The following NEURL1B variants were observed in gnomAD, a reference collection of about 807,000 sequenced individuals.
NEURL1B encodes neuralized E3 ubiquitin protein ligase 1B.
A neutral mutation model predicts 37.4 loss-of-function variants in NEURL1B; 13 were observed. That is an observed-to-expected ratio of 0.35 (90% CI 0.23 to 0.55). NEURL1B has a LOEUF of 0.55. NEURL1B is among the 20% of genes least tolerant of loss of function. NEURL1B has a pLI of 0.89. For synonymous variants in NEURL1B, 432 were observed against 426.6 expected (o/e 1.01, Z -0.16); for missense variants, 790 against 879.2 (o/e 0.90, Z 1.28).
At chr5:172,663,681 G>A (rs1352612532) in intron 1 of NEURL1B, among the ~76,000 whole-genome samples, 1 of 151,748 alleles carries the variant, frequency 6.6e-6, no homozygotes, top group Non-Finnish European at 1.5e-5. Flanking sequence ...CTCAATTCTT[G>A]GTCAGAAGTG....
intron 1 of NEURL1B, among the ~76,000 whole-genome samples, chr5:172,660,219 G>C (rs553310453): frequency 6.6e-6 from 1 of 152,326 alleles, no homozygotes; most frequent in African/African-American, 2.4e-5. Flanking sequence ...TTATCAAGAA[G>C]AGACCACAGT....
chr5:172,657,433 AG>A lies in NEURL1B; in HGVS notation c.32-12351del, dbSNP rs1167648719. On this transcript the variant is annotated intron_variant, in intron 1 of 4. Transcript: ENST00000369800. The surrounding 1 kb of genome is among the most constrained non-coding windows in gnomAD (Gnocchi z 4.0). ...AATAGTCATAATACAAATTAGATATAGAGATGATCATGGACAATTATCAATC... is the reference window on the plus strand; with the variant it reads ...AATAGTCATAATACAAATTAGATATAAGATGATCATGGACAATTATCAATC... Among the ~76,000 whole-genome samples, 1 of 152,254 alleles carries A rather than the reference AG, an allele frequency of 6.6e-6. No homozygotes were observed. Among genetic ancestry groups the A allele is most frequent in the Non-Finnish European group, 1.5e-5 (1 of 68,042 alleles).
rs954300412 is a variant in NEURL1B, at chr5:172,657,054, C to T, written c.32-12731C>T. ...ATAGACTATTTGAGTCAGTCCCTCA[C>T]GTCCCCATGATGGATGACTGGTTGG... is the stretch of plus-strand genomic sequence containing the variant. On this transcript the variant is annotated intron_variant, in intron 1 of 4. Transcript: ENST00000369800. This position sits in a 1 kb window ranked among gnomAD's most constrained non-coding sequence, Gnocchi z 4.0. Among the ~76,000 whole-genome samples the T allele has an allele frequency of 1.3e-5, 2 of 152,224 alleles. No homozygotes were observed. The highest frequency in any genetic ancestry group is 2.4e-5 in the African/African-American group (1 of 41,450).
intron 3 of NEURL1B, among the ~76,000 whole-genome samples, 156 bp downstream of exon 3, chr5:172,684,294 C>A (rs1229200507): frequency 6.6e-6 from 1 of 152,040 alleles, no homozygotes; most frequent in Non-Finnish European, 1.5e-5. Context: ...CGGGCACGAT[C>A]CACCCCGTCC....
Position 172,670,337 on chromosome 5 carries a change from C to A in NEURL1B, c.577+7C>A, listed in dbSNP as rs113056284. 64 of 1,347,058 alleles carry A rather than the reference C, an allele frequency of 4.8e-5. No individual in the cohort carries two copies. Among genetic ancestry groups the A allele is most frequent in the Non-Finnish European group, 5.8e-5 (61 of 1,052,610 alleles). 83.4% of individuals were successfully genotyped at this position (1,347,058 alleles called of 1,614,324 possible). ...GACGAGGTGCAGCTTCTGGGTAGGT[C>A]GCGGGCGCGGCGCCCCCTGGGGACC... On this transcript the variant is annotated splice_region_variant and intron_variant, in intron 2 of 4. Transcript: ENST00000369800.
At chr5:172,669,256 C>T (rs144414923) in intron 1 of NEURL1B, among the ~76,000 whole-genome samples, 11 of 152,256 alleles carry the variant, frequency 7.2e-5, no homozygotes, top group South Asian at 4.1e-4. Flanking sequence ...ATTCAGGCTG[C>T]CTTGGCCGTT....
At chr5:172,673,948 G>A (rs1758180309) in intron 2 of NEURL1B, among the ~76,000 whole-genome samples, 1 of 151,984 alleles carries the variant, frequency 6.6e-6, no homozygotes, top group Non-Finnish European at 1.5e-5. Flanking sequence ...AGACCAGCCT[G>A]GCCAACATGG....
At chr5:172,666,532 A>G (rs1451395838) in intron 1 of NEURL1B, among the ~76,000 whole-genome samples, 3 of 152,212 alleles carry the variant, frequency 2.0e-5, no homozygotes. Flanking sequence ...AAAAATCTGC[A>G]GTCATCTGAT....
intron 1 of NEURL1B, among the ~76,000 whole-genome samples, chr5:172,660,491 C>G (rs913026268): frequency 6.6e-6 from 1 of 152,246 alleles, no homozygotes; most frequent in Non-Finnish European, 1.5e-5. Flanking sequence ...GTGGCAGTTA[C>G]CAGCGCGGGC....
At chr5:172,680,834 GA>G (rs1758336981) in intron 2 of NEURL1B, among the ~76,000 whole-genome samples, 1 of 152,104 alleles carries the variant, frequency 6.6e-6, no homozygotes, top group African/African-American at 2.4e-5. Context: ...AATATTAATT[GA>G]AAACTCAATT....
rs140106730 is a variant in NEURL1B, at chr5:172,664,498, G to T, written c.32-5287G>T. ...GGGAGAGGCAGCGGGTGGGGGGGAC[G>T]GGTAGATTTTTCTCCTCTTTTCTGA... On this transcript the variant is annotated intron_variant, in intron 1 of 4. Coordinates refer to ENST00000369800, the MANE Select transcript of NEURL1B (RefSeq NM_001142651.3). Among the ~76,000 whole-genome samples the T allele has an allele frequency of 1.2e-3, 189 of 152,120 alleles. 3 individuals are homozygous for T. Among genetic ancestry groups the T allele is most frequent in the Admixed American group, 9.0e-3 (138 of 15,284 alleles).
At position 172,669,961 on chromosome 5, in the gene NEURL1B, A is replaced by G. The variant is rs1758089088; in HGVS notation, c.208A>G (p.Thr70Ala). ...TRRNSFCNGV[T>A]FTQRPIRLYE... ...GCGCAACAGCTTCTGCAATGGCGTC[A>G]CGTTCACGCAGCGGCCCATCCGGCT... The change falls in exon 2 of 5, where the codon ACG (threonine) becomes GCG (alanine). Residue 70 changes from threonine (T) to alanine (A), a missense_variant. By Grantham distance (58) the Thr-to-Ala change is moderately conservative (BLOSUM62 0). Around this residue, in one of 3 missense-constraint regions of NEURL1B, gnomAD observed 215 missense variants for 309.2 expected, o/e 0.70. Transcript: ENST00000369800. 3 of 1,452,970 alleles carry G rather than the reference A, an allele frequency of 2.1e-6. No individual in the cohort carries two copies. Among genetic ancestry groups the G allele is most frequent in the Non-Finnish European group, 2.7e-6 (3 of 1,108,624 alleles). 90.0% of individuals were successfully genotyped at this position (1,452,970 alleles called of 1,614,324 possible).
intron 1 of NEURL1B, among the ~76,000 whole-genome samples, chr5:172,660,087 C>T (rs1265561694): frequency 6.6e-6 from 1 of 152,192 alleles, no homozygotes; most frequent in African/African-American, 2.4e-5. Context: ...CTGTAAATGT[C>T]AGATGAAGGA....
chr5:172,643,127 C>G (rs1757498766), intron 1 of NEURL1B, among the ~76,000 whole-genome samples: 1 of 152,206 alleles, frequency 6.6e-6, no homozygotes, highest in Non-Finnish European at 1.5e-5. Flanking sequence ...TCTCTGTGGA[C>G]TGGGCCACCC....
intron 1 of NEURL1B, among the ~76,000 whole-genome samples, chr5:172,662,494 C>T (rs1757920928): frequency 6.6e-6 from 1 of 152,320 alleles, no homozygotes. Context: ...GTTTATTTAA[C>T]ATCTACTATG....
At chr5:172,662,705 C>T (rs914361130) in intron 1 of NEURL1B, among the ~76,000 whole-genome samples, 2 of 152,160 alleles carry the variant, frequency 1.3e-5, no homozygotes, top group Admixed American at 1.3e-4. Flanking sequence ...CTCAGAGCCA[C>T]CCAGGAAGCA....
intron 1 of NEURL1B, among the ~76,000 whole-genome samples, chr5:172,653,861 C>T (rs1757714767): frequency 2.6e-5 from 4 of 152,002 alleles, no homozygotes; most frequent in South Asian, 4.1e-4. Context: ...TTTTCTTTCA[C>T]GACTTTCAGA....
rs1757466059 is a variant in NEURL1B, at chr5:172,641,772, A to G, written c.31+335A>G. On this transcript the variant is annotated intron_variant, in intron 1 of 4. Coordinates refer to ENST00000369800, the MANE Select transcript of NEURL1B (RefSeq NM_001142651.3). This position sits in a 1 kb window ranked among gnomAD's most constrained non-coding sequence, Gnocchi z 6.4. ...GGCGCTGATGAGCAAACTCAAGGCG[A>G]CCTGGGTGGGGGTGACTGGAGCCGG... Among the ~76,000 whole-genome samples the G allele has an allele frequency of 6.6e-6, 1 of 152,094 alleles. No homozygotes were observed. Among genetic ancestry groups the G allele is most frequent in the Non-Finnish European group, 1.5e-5 (1 of 68,002 alleles).
At chr5:172,671,156 C>A (rs1281987488) in intron 2 of NEURL1B, among the ~76,000 whole-genome samples, 2 of 152,174 alleles carry the variant, frequency 1.3e-5, no homozygotes, top group Non-Finnish European at 2.9e-5. Flanking sequence ...GTCATCACCC[C>A]AAAGGGAAAC....
Sources: allele counts gnomAD v4.1 joint callset (sites outside exome capture counted in the v4.1 genomes callset), GRCh38; gene constraint gnomAD v4.1.1; regional missense constraint gnomAD v4.1.1; non-coding constraint Gnocchi (gnomAD v3.1); transcripts MANE v1.5; gene names NCBI Gene and HGNC (gene_info 2026-07-23, HGNC 2026-07-21).